The following DIAPH2 variants were observed in gnomAD, a reference collection of about 807,000 sequenced individuals.
DIAPH2 encodes the protein diaphanous related formin 2, also known as protein diaphanous homolog 2.
In DIAPH2, 35 loss-of-function variants were observed where a neutral mutation model predicts 92.7. The ratio of observed to expected loss-of-function variants is 0.38; its 90% CI spans 0.29 to 0.50. The LOEUF (loss-of-function observed/expected upper bound fraction) is 0.50. Among genes scored for constraint, DIAPH2 ranks in the 20% least tolerant of loss-of-function variants. DIAPH2 has a pLI of 0.94. For missense variants in DIAPH2, 701 were observed against 819.5 expected, an observed-to-expected ratio of 0.86 and a Z score of 1.77; for synonymous variants, 301 against 280.4, an observed-to-expected ratio of 1.07 and a Z score of -0.73.
At chrX:96,811,071 T>G (rs1204490013) in intron 4 of DIAPH2, among the ~76,000 whole-genome samples, 1 of 112,001 alleles carries the variant, frequency 8.9e-6, no homozygotes, top group Non-Finnish European at 1.9e-5. Context: ...ATTGGTAGCT[T>G]GATGGAGATG....
intron 24 of DIAPH2, among the ~76,000 whole-genome samples, chrX:97,373,766 C>G (rs1309390445): frequency 9.2e-6 from 1 of 108,881 alleles, no homozygotes; most frequent in Non-Finnish European, 1.9e-5. Context: ...ACCACCATGC[C>G]TGGCTAATTT....
intron 23 of DIAPH2, among the ~76,000 whole-genome samples, chrX:97,256,418 A>G (rs1222783410): frequency 1.8e-5 from 2 of 112,474 alleles, no homozygotes; most frequent in East Asian, 2.8e-4. Context: ...TATCTTAAGC[A>G]TACATAGTTT....
chrX:97,183,389 T>G (rs2067556101), intron 22 of DIAPH2, among the ~76,000 whole-genome samples: 1 of 111,787 alleles, frequency 8.9e-6, no homozygotes, highest in South Asian at 3.8e-4. Context: ...AAGTAGGTTA[T>G]TTGATTTGTT....
intron 5 of DIAPH2, among the ~76,000 whole-genome samples, chrX:96,910,930 A>C (rs1427412339): frequency 1.8e-5 from 2 of 111,434 alleles, no homozygotes; most frequent in Non-Finnish European, 3.8e-5. Context: ...ACAGGGGAAA[A>C]CATTAATGAC....
intron 1 of DIAPH2, among the ~76,000 whole-genome samples, chrX:96,720,690 A>G (rs929115208): frequency 9.0e-6 from 1 of 111,700 alleles, no homozygotes; most frequent in Non-Finnish European, 1.9e-5. Flanking sequence ...TTTGGGCTGG[A>G]TGGTCACATC....
At chrX:97,483,847 TAAAAC>T (rs2070669180) in intron 26 of DIAPH2, among the ~76,000 whole-genome samples, 1 of 111,806 alleles carries the variant, frequency 8.9e-6, no homozygotes, top group South Asian at 3.7e-4. Flanking sequence ...TTTTCTGAGT[TAAAAC>T]AACAACAGCA....
chrX:97,388,392 C>T (rs1375580480), intron 25 of DIAPH2, among the ~76,000 whole-genome samples: 2 of 111,682 alleles, frequency 1.8e-5, no homozygotes, highest in Admixed American at 9.6e-5. Flanking sequence ...CACTCTGTCA[C>T]CCAGGCTGGA....
chrX:97,020,591 C>G (rs2066290949), intron 17 of DIAPH2, among the ~76,000 whole-genome samples: 1 of 111,913 alleles, frequency 8.9e-6, no homozygotes, highest in Admixed American at 9.5e-5. Flanking sequence ...AGCATCACTA[C>G]TCTTGTGCAT....
chrX:96,761,150 A>G (rs138563492), intron 4 of DIAPH2, among the ~76,000 whole-genome samples: 2,339 of 111,257 alleles, frequency 0.021, 19 homozygotes, highest in Non-Finnish European at 0.035. Flanking sequence ...TCTCACGGGC[A>G]CTTAACAGCA....
At position 97,124,656 on chromosome X, in the gene DIAPH2, T is replaced by C. The variant is rs1400635414; in HGVS notation, c.2589+9691T>C. ...GATTTTTTTCTATTATTCTTATGTA[T>C]GTTAAAATTTTCTGTTGCCTATTAC... On this transcript the variant is annotated intron_variant, in intron 21 of 26. Transcript: ENST00000324765. Among the ~76,000 whole-genome samples, 9 of 112,038 alleles carry C rather than the reference T, an allele frequency of 8.0e-5. No homozygotes were observed. The Admixed American group carries it at 8.5e-4, about 11-fold the overall frequency.
At chrX:97,538,360 A>G (rs1049061502) in intron 26 of DIAPH2, among the ~76,000 whole-genome samples, 4 of 111,691 alleles carry the variant, frequency 3.6e-5, no homozygotes, top group Non-Finnish European at 7.5e-5. Context: ...TATCATTTCT[A>G]TACATAATAT....
At chrX:97,275,364 C>T (rs868137721) in intron 23 of DIAPH2, among the ~76,000 whole-genome samples, 3 of 99,269 alleles carry the variant, frequency 3.0e-5, no homozygotes, top group South Asian at 5.0e-4. Flanking sequence ...GCTGGCCGGG[C>T]GGGGGCTGCC....
intron 3 of DIAPH2, among the ~76,000 whole-genome samples, chrX:96,749,921 G>C (rs1299714961): frequency 1.8e-5 from 2 of 111,169 alleles, no homozygotes; most frequent in African/African-American, 6.5e-5. Flanking sequence ...CTTGGAAGCT[G>C]GGTCTGTCTG....
chrX:96,924,893 T>C (rs901320524), intron 9 of DIAPH2, among the ~76,000 whole-genome samples: 5 of 111,368 alleles, frequency 4.5e-5, no homozygotes, highest in Non-Finnish European at 9.4e-5. Flanking sequence ...CCTCCAACAC[T>C]GAGGATTACA....
chrX:97,592,020 C>T (rs1318089817), intron 26 of DIAPH2, among the ~76,000 whole-genome samples: 1 of 111,594 alleles, frequency 9.0e-6, no homozygotes, highest in Non-Finnish European at 1.9e-5. Flanking sequence ...CTTGAAATGC[C>T]CATGTTATCA....
chrX:97,478,209 C>G (rs993704772), intron 26 of DIAPH2, among the ~76,000 whole-genome samples: 1 of 112,114 alleles, frequency 8.9e-6, no homozygotes, highest in African/African-American at 3.2e-5. Context: ...ATACACTTAA[C>G]ACATTCAATT....
chrX:97,197,519 T>C (rs2067713627), intron 22 of DIAPH2, among the ~76,000 whole-genome samples: 1 of 112,420 alleles, frequency 8.9e-6, no homozygotes, highest in Non-Finnish European at 1.9e-5. Context: ...TAAGTTATTC[T>C]TATAAACTTC....
intron 21 of DIAPH2, among the ~76,000 whole-genome samples, chrX:97,116,102 T>C (rs2067014776): frequency 8.9e-6 from 1 of 112,073 alleles, no homozygotes; most frequent in Non-Finnish European, 1.9e-5. Context: ...GAATCCCAAA[T>C]CTAGCAATGG....
At chrX:96,698,931 G>C (rs1267962234) in intron 1 of DIAPH2, among the ~76,000 whole-genome samples, 1 of 106,834 alleles carries the variant, frequency 9.4e-6, no homozygotes, top group African/African-American at 3.4e-5. Context: ...GCATTTTGCT[G>C]TGTTGCCCAG....
Sources: gnomAD v4.1 joint callset for allele counts (sites outside exome capture counted in the v4.1 genomes callset) on GRCh38, gnomAD v4.1.1 for gene constraint, MANE v1.5 for transcripts, NCBI Gene and HGNC (gene_info 2026-07-23, HGNC 2026-07-21) for gene names.